The following PARD6G variants were observed in gnomAD, a reference collection of about 807,000 sequenced individuals.
PARD6G encodes the protein partitioning defective 6 homolog gamma.
Under a neutral mutation model 10.7 loss-of-function variants are expected in PARD6G, and 7 were observed. That is an observed-to-expected ratio of 0.66 (90% CI 0.37 to 1.23). PARD6G has a LOEUF of 1.23. Ranked by LOEUF, PARD6G falls within the 50% of genes most tolerant of loss-of-function variation. The probability of loss-of-function intolerance (pLI) is 0.02; values close to 1 mark genes in which losing one functional copy is unlikely to be tolerated. For synonymous variants in PARD6G, 287 were observed against 269.4 expected, an observed-to-expected ratio of 1.07 and a Z score of -0.64; for missense variants, 548 against 571.8, an observed-to-expected ratio of 0.96 and a Z score of 0.42.
chr18:80,167,093 A>G (rs567535448), intron 2 of PARD6G, among the ~76,000 whole-genome samples: 1 of 152,268 alleles, frequency 6.6e-6, no homozygotes, highest in Admixed American at 6.5e-5. Flanking sequence ...GACAGTTCAC[A>G]ATTACAAGTG....
rs1056705640 is a variant in PARD6G at position 80,192,685 on chromosome 18, A to G, written c.295+10025T>C. On this transcript the variant is annotated intron_variant, in intron 2 of 2. Transcript: ENST00000353265. The surrounding 1 kb of genome is among the most constrained non-coding windows in gnomAD (Gnocchi z 4.9). ...TACTGTGGTCCAGAACACCAAAGAC[A>G]AGGAGGGAAGAATGATAAGAGTGAA... 1.3e-5 allele frequency among the ~76,000 whole-genome samples: 2 copies of G among 152,164 alleles called. No individual in the cohort carries two copies. The highest frequency in any genetic ancestry group is 2.9e-5 in the Non-Finnish European group (2 of 68,034).
chr18:80,222,987 T>C (rs145294344), intron 1 of PARD6G, among the ~76,000 whole-genome samples: 21 of 152,328 alleles, frequency 1.4e-4, no homozygotes, highest in African/African-American at 4.6e-4. Flanking sequence ...TCAATTTATT[T>C]TTGACAAGAA....
At chr18:80,225,831 G>C (rs1044123829) in intron 1 of PARD6G, among the ~76,000 whole-genome samples, 4 of 152,024 alleles carry the variant, frequency 2.6e-5, no homozygotes, top group African/African-American at 9.7e-5. Context: ...TCCAGGTCTA[G>C]TGTGACACCC....
chr18:80,214,750 C>T (rs1039007120), intron 1 of PARD6G, among the ~76,000 whole-genome samples: 3 of 151,642 alleles, frequency 2.0e-5, no homozygotes, highest in African/African-American at 7.3e-5. Flanking sequence ...TCTGGAGGTC[C>T]CAGAGGAGAG....
At chr18:80,174,755 C>T (rs2052798371) in intron 2 of PARD6G, among the ~76,000 whole-genome samples, 1 of 152,046 alleles carries the variant, frequency 6.6e-6, no homozygotes, top group African/African-American at 2.4e-5. Flanking sequence ...GAGATCGAGA[C>T]CATCCTGGCT....
Position 80,160,499 on chromosome 18 carries a change from C to A in PARD6G, c.403G>T (p.Gly135Cys). 6.5e-7 allele frequency: 1 copy of A among 1,544,952 alleles called. No individual in the cohort carries two copies. Among genetic ancestry groups the A allele is most frequent in the Non-Finnish European group, 8.7e-7 (1 of 1,144,900 alleles). The change falls in exon 3 of 3, where the codon GGC (glycine) becomes TGC (cysteine). Residue 135 changes from glycine to cysteine, a missense_variant. Coordinates refer to ENST00000353265, the MANE Select transcript of PARD6G (RefSeq NM_032510.4). ...ACGGGGCGGAAGTCGCGCGGGAGGCCGATGTCCAGGTGTGCACGCCGCCGG... is the reference window on the plus strand; with the variant it reads ...ACGGGGCGGAAGTCGCGCGGGAGGCAGATGTCCAGGTGTGCACGCCGCCGG... ...GPRRRAHLDI[G>C]LPRDFRPVSS...
rs754734454 is a variant in PARD6G, at chr18:80,160,644, G to A, written c.296-38C>T. ...GGACAGTTAGAGGGGACACACAACC[G>A]AGCCCCGCCTGAGCCCTCGGCCGTC... On this transcript the variant is annotated intron_variant, in intron 2 of 2. Coordinates refer to ENST00000353265, the MANE Select transcript of PARD6G (RefSeq NM_032510.4). 1.3e-5 allele frequency: 18 copies of A among 1,429,554 alleles called. No individual in the cohort carries two copies. In the African/African-American group the frequency reaches 2.0e-4, roughly 16 times the overall value. The allele number at this position is 1,429,554 out of a possible 1,614,324, so 88.6% of individuals were successfully genotyped here. A position where few individuals can be genotyped will look rare whatever the true frequency, so the allele number is the denominator to read the frequency against.
In PARD6G at chr18:80,181,558, G is replaced by T. The variant is rs1466731805; in HGVS notation, c.296-20952C>A. 1.3e-5 allele frequency among the ~76,000 whole-genome samples: 2 copies of T among 152,106 alleles called. No individual in the cohort carries two copies. The highest frequency in any genetic ancestry group is 4.8e-5 in the African/African-American group (2 of 41,410). On this transcript the variant is annotated intron_variant, in intron 2 of 2. Coordinates refer to ENST00000353265, the MANE Select transcript of PARD6G (RefSeq NM_032510.4). This position sits in a 1 kb window ranked among gnomAD's most constrained non-coding sequence, Gnocchi z 7.9. ...TCTCTGCTTCCAAAGTCCGGTAGGTGTGCCCTTCCCCTAAACTCAGCAGAT... is the reference window on the plus strand; with the variant it reads ...TCTCTGCTTCCAAAGTCCGGTAGGTTTGCCCTTCCCCTAAACTCAGCAGAT...
At chr18:80,190,876 C>T (rs534775753) in intron 2 of PARD6G, among the ~76,000 whole-genome samples, 1 of 152,252 alleles carries the variant, frequency 6.6e-6, no homozygotes, top group Admixed American at 6.5e-5. Flanking sequence ...TAAATCCCAG[C>T]CTGAAACAAC....
chr18:80,204,577 C>T (rs1360699133), intron 1 of PARD6G, among the ~76,000 whole-genome samples: 1 of 151,604 alleles, frequency 6.6e-6, no homozygotes, highest in Non-Finnish European at 1.5e-5. Flanking sequence ...AAACAAACCT[C>T]TCATCCATTG....
At chr18:80,211,075 TC>T (rs1346856982) in intron 1 of PARD6G, among the ~76,000 whole-genome samples, 8 of 152,334 alleles carry the variant, frequency 5.3e-5, no homozygotes, top group African/African-American at 1.4e-4. Flanking sequence ...AGCATTTTTT[TC>T]TTTTTTTTTG....
At chr18:80,168,002 C>G (rs1365734265) in intron 2 of PARD6G, among the ~76,000 whole-genome samples, 1 of 152,160 alleles carries the variant, frequency 6.6e-6, no homozygotes, top group African/African-American at 2.4e-5. Context: ...AGGAAACGGG[C>G]CGACACCCCA....
intron 1 of PARD6G, among the ~76,000 whole-genome samples, chr18:80,224,685 A>G (rs1967270989): frequency 6.6e-6 from 1 of 152,098 alleles, no homozygotes; most frequent in South Asian, 2.1e-4. Flanking sequence ...ATCTCTACTA[A>G]AAATACAAAA....
intron 2 of PARD6G, chr18:80,170,462 G>C (rs8091638): frequency 0.19 from 28,412 of 152,438 alleles, 2,846 homozygotes; most frequent in Middle Eastern, 0.29. Context: ...TCCACCAAGA[G>C]CAGGACTGTC....
chr18:80,164,379 G>A (rs2052721311), intron 2 of PARD6G, among the ~76,000 whole-genome samples: 1 of 152,202 alleles, frequency 6.6e-6, no homozygotes, highest in African/African-American at 2.4e-5. Context: ...CCTCCAACCT[G>A]TGAGGGGCGT....
intron 1 of PARD6G, among the ~76,000 whole-genome samples, chr18:80,229,327 A>G (rs569142509): frequency 1.8e-4 from 28 of 152,360 alleles, no homozygotes; most frequent in African/African-American, 5.5e-4. Context: ...CACAACACCG[A>G]ATCTGCAGCG....
intron 1 of PARD6G, among the ~76,000 whole-genome samples, chr18:80,239,217 A>G (rs929706424): frequency 1.1e-4 from 16 of 151,740 alleles, no homozygotes; most frequent in African/African-American, 3.9e-4. Flanking sequence ...CAGCAGGGAG[A>G]AGAGGGGGTC....
chr18:80,188,287 T>C lies in PARD6G; in HGVS notation c.295+14423A>G, dbSNP rs2052890761. Among the ~76,000 whole-genome samples, 1 of 152,184 alleles carries C rather than the reference T, an allele frequency of 6.6e-6. No homozygotes were observed. The highest frequency in any genetic ancestry group is 1.5e-5 in the Non-Finnish European group (1 of 68,016). ...GGGCGTGGAGGTGGCCTGATCTCAC[T>C]GCCTGCGTCAGGGACTCAGATTCAA... On this transcript the variant is annotated intron_variant, in intron 2 of 2. Transcript: ENST00000353265. This position sits in a 1 kb window ranked among gnomAD's most constrained non-coding sequence, Gnocchi z 5.4.
At position 80,246,437 on chromosome 18, in the gene PARD6G, G is replaced by A. The variant is rs1351805547; in HGVS notation, c.72+840C>T. On this transcript the variant is annotated intron_variant, in intron 1 of 2. Coordinates refer to ENST00000353265, the MANE Select transcript of PARD6G (RefSeq NM_032510.4). The surrounding 1 kb of genome is among the most constrained non-coding windows in gnomAD (Gnocchi z 6.7). ...ACGCGCATCGCGACCCGCAAGTTCG[G>A]GCACGCTCCGCCCGGGCGCAGGCAG... is the stretch of plus-strand genomic sequence containing the variant. Among the ~76,000 whole-genome samples the A allele has an allele frequency of 6.6e-6, 1 of 152,172 alleles. No individual in the cohort carries two copies. The highest frequency in any genetic ancestry group is 1.5e-5 in the Non-Finnish European group (1 of 68,004).
Sources: gnomAD v4.1 joint callset for allele counts (sites outside exome capture counted in the v4.1 genomes callset) on GRCh38, gnomAD v4.1.1 for gene constraint, Gnocchi (gnomAD v3.1) non-coding constraint, MANE v1.5 for transcripts, NCBI Gene and HGNC (gene_info 2026-07-23, HGNC 2026-07-21) for gene names.